Variants in CTNNA2 observed in about 807,000 individuals in gnomAD.
CTNNA2 encodes the protein catenin alpha-2.
Under a neutral mutation model 101.0 loss-of-function variants are expected in CTNNA2, and 42 were observed. The observed-to-expected ratio is 0.42, with a 90% CI of 0.32 to 0.54. The LOEUF is 0.54. CTNNA2 is among the 20% of genes least tolerant of loss of function. The pLI, the probability that CTNNA2 is intolerant of heterozygous loss-of-function variation, is 0.14. For synonymous variants in CTNNA2, 450 were observed against 456.4 expected (o/e 0.99, Z 0.18); for missense variants, 871 against 1,223.1 (o/e 0.71, Z 4.29).
chr2:79,616,918 T>TTTTTTTTTTTTTTTTTTTTC (rs796199835), intron 1 of CTNNA2, among the ~76,000 whole-genome samples: 3 of 151,500 alleles, frequency 2.0e-5, no homozygotes, highest in African/African-American at 7.3e-5. Flanking sequence ...TCTTTTTTTT[T>TTTTTTTTTTTTTTTTTTTTC]CGAGACACAG....
At chr2:80,579,444 A>G (rs1216903592) in intron 13 of CTNNA2, 1 of 152,156 alleles carries the variant, frequency 6.6e-6, no homozygotes, top group Admixed American at 6.6e-5. Flanking sequence ...CTCATCTGTC[A>G]GCTGAATTTA....
At chr2:80,221,791 G>A (rs1419900305) in intron 7 of CTNNA2, among the ~76,000 whole-genome samples, 2 of 152,214 alleles carry the variant, frequency 1.3e-5, no homozygotes, top group Non-Finnish European at 2.9e-5. Context: ...GTATTGGACA[G>A]CCAAAGAGCT....
intron 7 of CTNNA2, among the ~76,000 whole-genome samples, chr2:80,177,365 G>T (rs1312352020): frequency 6.6e-6 from 1 of 152,186 alleles, no homozygotes; most frequent in African/African-American, 2.4e-5. Context: ...TTTCCATGAT[G>T]GAAGAAGTCT....
rs1399384882 is a variant in CTNNA2 at position 80,648,085 on chromosome 2, G to C, written c.*213G>C. On this transcript the variant is annotated 3_prime_UTR_variant, in exon 19 of 19. Coordinates refer to ENST00000402739, the MANE Select transcript of CTNNA2 (RefSeq NM_001282597.3). ...AGACAGGACATTCCTGTACTAAGGT[G>C]GCACAGAGCTGTCCTTTGCAACATT... 6.8e-6 allele frequency: 3 copies of C among 438,708 alleles called. No individual in the cohort carries two copies. Among genetic ancestry groups the C allele is most frequent in the Non-Finnish European group, 1.2e-5 (3 of 247,058 alleles). The allele number at this position is 438,708 out of a possible 1,614,324, so 27.2% of individuals were successfully genotyped here.
chr2:79,831,565 C>T (rs997026049), intron 3 of CTNNA2, among the ~76,000 whole-genome samples: 18 of 152,038 alleles, frequency 1.2e-4, no homozygotes, highest in African/African-American at 4.3e-4. Context: ...CAATTTAACT[C>T]CAAAATCATA....
At chr2:80,053,538 A>G (rs141026951) in intron 7 of CTNNA2, among the ~76,000 whole-genome samples, 5 of 152,328 alleles carry the variant, frequency 3.3e-5, no homozygotes, top group African/African-American at 9.6e-5. Context: ...TGGACTATGG[A>G]CTAATGACGC....
intron 2 of CTNNA2, among the ~76,000 whole-genome samples, chr2:79,706,614 C>A (rs905236259): frequency 6.6e-6 from 1 of 152,046 alleles, no homozygotes; most frequent in Non-Finnish European, 1.5e-5. Context: ...GAAAGACCTT[C>A]AGGGAACAAA....
At chr2:79,458,725 G>A (rs1288422097) in intron 4 of CTNNA2, among the ~76,000 whole-genome samples, 1 of 152,122 alleles carries the variant, frequency 6.6e-6, no homozygotes, top group East Asian at 1.9e-4. Context: ...ATGAATTTTG[G>A]TTATAACCTT....
intron 3 of CTNNA2, among the ~76,000 whole-genome samples, chr2:79,755,711 A>G (rs1384132276): frequency 6.6e-6 from 1 of 152,162 alleles, no homozygotes. Context: ...TATGCTTCTA[A>G]AGTTTGAGAA....
chr2:79,644,079 C>T (rs1466852947), intron 1 of CTNNA2, among the ~76,000 whole-genome samples: 1 of 152,076 alleles, frequency 6.6e-6, no homozygotes, highest in African/African-American at 2.4e-5. Context: ...TCCCTGTCAC[C>T]CAGGCTGGAG....
At chr2:79,898,982 G>T (rs2104266834) in intron 6 of CTNNA2, among the ~76,000 whole-genome samples, 1 of 152,226 alleles carries the variant, frequency 6.6e-6, no homozygotes, top group South Asian at 2.1e-4. Flanking sequence ...AGAAGAACTG[G>T]GCAAGTGAAG....
chr2:80,232,341 GTTTGTTTTTTTTTTTTTTTT>G (rs1709282089), intron 7 of CTNNA2, among the ~76,000 whole-genome samples: 3 of 82,062 alleles, frequency 3.7e-5, no homozygotes, highest in African/African-American at 9.9e-5. Context: ...TTGTTTGTTT[GTTTGTTTTTTTTTTTTTTTT>G]TTTTTTTTTT....
intron 4 of CTNNA2, among the ~76,000 whole-genome samples, chr2:79,471,603 C>T (rs958515650): frequency 6.6e-6 from 1 of 152,098 alleles, no homozygotes; most frequent in Non-Finnish European, 1.5e-5. Context: ...CTTTGGGAGG[C>T]TGAGGCAGGT....
At position 79,247,665 on chromosome 2, in the gene CTNNA2, C is replaced by A. The variant is rs578059961; in HGVS notation, c.-406+49589C>A. Reference sequence around the variant, plus strand: ...ATTATCAATAGCAACATTTTTATGGCAAAGACATTGCAGATGTGATTAAGC... The same window carrying A: ...ATTATCAATAGCAACATTTTTATGGAAAAGACATTGCAGATGTGATTAAGC... On this transcript the variant is annotated intron_variant, in intron 2 of 21. Transcript: ENST00000466387. Among the ~76,000 whole-genome samples, 260 of 152,252 alleles carry A rather than the reference C, an allele frequency of 1.7e-3. 3 individuals carry two copies. Among genetic ancestry groups the A allele is most frequent in the African/African-American group, 5.9e-3 (246 of 41,540 alleles).
At chr2:79,299,333 G>T (rs1208878028) in intron 2 of CTNNA2, among the ~76,000 whole-genome samples, 1 of 152,156 alleles carries the variant, frequency 6.6e-6, no homozygotes, top group Non-Finnish European at 1.5e-5. Context: ...TGTTTAACCT[G>T]TCAGCATTAT....
intron 7 of CTNNA2, among the ~76,000 whole-genome samples, chr2:80,344,201 T>G (rs953026705): frequency 6.6e-6 from 1 of 152,146 alleles, no homozygotes; most frequent in Non-Finnish European, 1.5e-5. Context: ...CTCCTGATTT[T>G]CTCCTCCTTC....
chr2:80,157,038 G>A (rs1192715525), intron 7 of CTNNA2, among the ~76,000 whole-genome samples: 3 of 152,138 alleles, frequency 2.0e-5, no homozygotes, highest in Non-Finnish European at 4.4e-5. Context: ...CACTCTGGTG[G>A]TATAGGACAG....
intron 7 of CTNNA2, among the ~76,000 whole-genome samples, chr2:80,097,374 A>C (rs1423888754): frequency 1.3e-5 from 2 of 152,176 alleles, no homozygotes; most frequent in African/African-American, 2.4e-5. Context: ...CCGAGAGATC[A>C]GCTGTTAGTC....
At chr2:79,856,875 T>C (rs1228876605) in intron 3 of CTNNA2, among the ~76,000 whole-genome samples, 1 of 152,170 alleles carries the variant, frequency 6.6e-6, no homozygotes, top group Non-Finnish European at 1.5e-5. Flanking sequence ...AGACTAAAAC[T>C]GCATTTACCC....
Sources: gnomAD v4.1 joint callset for allele counts (sites outside exome capture counted in the v4.1 genomes callset) on GRCh38, gnomAD v4.1.1 for gene constraint, MANE v1.5 for transcripts, NCBI Gene and HGNC (gene_info 2026-07-23, HGNC 2026-07-21) for gene names.